Variants in ARHGEF28 observed in about 807,000 individuals in gnomAD.
The protein encoded by ARHGEF28 is Rho guanine nucleotide exchange factor 28, also known as 190 kDa guanine nucleotide exchange factor.
ARHGEF28 carries 152 observed loss-of-function variants against 206.6 expected under a neutral mutation model. The observed-to-expected ratio is 0.74, with a 90% CI of 0.64 to 0.84. The LOEUF is 0.84. Ranked by LOEUF, ARHGEF28 falls within the 40% of genes least tolerant of loss-of-function variation. The pLI is 0.00. For synonymous variants in ARHGEF28, 763 were observed against 776.4 expected (o/e 0.98, Z 0.29); for missense variants, 2,028 against 2,073.2 (o/e 0.98, Z 0.42).
intron 2 of ARHGEF28, among the ~76,000 whole-genome samples, chr5:73,687,382 A>G (rs1747538568): frequency 1.5e-5 from 1 of 68,434 alleles, no homozygotes; most frequent in Non-Finnish European, 2.9e-5. Flanking sequence ...AAATATATTT[A>G]ACATAACTGA....
chr5:73,809,758 G>A (rs1056441126), intron 9 of ARHGEF28, among the ~76,000 whole-genome samples: 4 of 152,138 alleles, frequency 2.6e-5, no homozygotes, highest in Non-Finnish European at 5.9e-5. Flanking sequence ...ATAACCTCAT[G>A]GAAGTTCTTT....
intron 2 of ARHGEF28, among the ~76,000 whole-genome samples, chr5:73,743,704 T>A (rs184582024): frequency 4.5e-4 from 68 of 152,330 alleles, no homozygotes; most frequent in African/African-American, 1.5e-3. Flanking sequence ...ATGTTCTTTG[T>A]GTACTCTTCT....
intron 4 of ARHGEF28, among the ~76,000 whole-genome samples, chr5:73,760,292 C>T (rs1338606170): frequency 6.8e-6 from 1 of 146,176 alleles, no homozygotes; most frequent in African/African-American, 2.6e-5. Context: ...ACAAGAAATA[C>T]AAGTTTCCAG....
At chr5:73,830,266 T>C (rs1183547268) in intron 9 of ARHGEF28, among the ~76,000 whole-genome samples, 1 of 151,992 alleles carries the variant, frequency 6.6e-6, no homozygotes, top group East Asian at 1.9e-4. Flanking sequence ...TAAGACAATG[T>C]AGACTGGCCG....
chr5:73,900,962 G>C (rs1408675779), intron 30 of ARHGEF28: 1 of 437,698 alleles, frequency 2.3e-6, no homozygotes, highest in African/African-American at 2.0e-5. Context: ...ACTTTGTGCG[G>C]TTCGTCAGTT....
At chr5:73,667,811 T>C (rs1217738693) in intron 1 of ARHGEF28, among the ~76,000 whole-genome samples, 1 of 152,260 alleles carries the variant, frequency 6.6e-6, no homozygotes, top group Admixed American at 6.5e-5. Flanking sequence ...TTGAATATTA[T>C]GCTGCTTAGA....
At chr5:73,909,370 GAACCT>G in intron 33 of ARHGEF28, 37 bp from the exon 34 acceptor site, 1 of 1,550,452 alleles carries the variant, frequency 6.4e-7, no homozygotes, top group Non-Finnish European at 8.7e-7. Context: ...AATAACCATG[GAACCT>G]TGTGTTCAGT....
chr5:73,647,498 A>G (rs1462594955), intron 1 of ARHGEF28, among the ~76,000 whole-genome samples: 2 of 152,256 alleles, frequency 1.3e-5, no homozygotes, highest in South Asian at 2.1e-4. Context: ...GCTGTCCAAT[A>G]TTAATACAAT....
intron 2 of ARHGEF28, among the ~76,000 whole-genome samples, chr5:73,716,382 A>C (rs960014176): frequency 2.0e-5 from 3 of 152,092 alleles, no homozygotes; most frequent in Non-Finnish European, 4.4e-5. Context: ...AGGTTTCTTC[A>C]CCTGTTACAT....
At chr5:73,873,278 G>A in intron 22 of ARHGEF28, 32 bp downstream of exon 22, 2 of 1,568,696 alleles carry the variant, frequency 1.3e-6, no homozygotes, top group East Asian at 2.3e-5. Flanking sequence ...TGACCTTTAT[G>A]ACGTAAGTGG....
At chr5:73,862,562 C>T (rs1193741261) in intron 16 of ARHGEF28, among the ~76,000 whole-genome samples, 1 of 152,084 alleles carries the variant, frequency 6.6e-6, no homozygotes, top group Non-Finnish European at 1.5e-5. Flanking sequence ...CTTTTGTCTT[C>T]TCCAGGGATT....
intron 9 of ARHGEF28, among the ~76,000 whole-genome samples, chr5:73,816,964 G>A (rs1756252260): frequency 6.6e-6 from 1 of 151,918 alleles, no homozygotes; most frequent in East Asian, 1.9e-4. Context: ...TTTTTGTTTT[G>A]TTTTGTTTTT....
At chr5:73,853,255 C>T (rs987550993) in intron 14 of ARHGEF28, among the ~76,000 whole-genome samples, 14 of 152,202 alleles carry the variant, frequency 9.2e-5, no homozygotes, top group African/African-American at 3.4e-4. Context: ...GGGAAGCAGA[C>T]CAGTGTGCAA....
chr5:73,776,845 G>A, intron 6 of ARHGEF28, 149 bp downstream of exon 6: 1 of 533,648 alleles, frequency 1.9e-6, no homozygotes, highest in Non-Finnish European at 3.2e-6. Flanking sequence ...CATTAGATCA[G>A]TAGAATGAAG....
chr5:73,872,989 C>A lies in ARHGEF28; in HGVS notation c.2567-10C>A. ...CTTGTTTAAGGCTTATGTGTGCTCA[C>A]ACATTTCAGAGCTAATGCAAACAGA... On this transcript the variant is annotated splice_polypyrimidine_tract_variant and intron_variant, in intron 21 of 35. Transcript: ENST00000513042. 1 of 1,612,986 alleles carries A rather than the reference C, an allele frequency of 6.2e-7. No individual in the cohort carries two copies. Among genetic ancestry groups the A allele is most frequent in the Non-Finnish European group, 8.5e-7 (1 of 1,179,262 alleles).
chr5:73,764,159 C>G (rs565236050), intron 4 of ARHGEF28, among the ~76,000 whole-genome samples: 1 of 152,304 alleles, frequency 6.6e-6, no homozygotes, highest in South Asian at 2.1e-4. Flanking sequence ...GATCAAGCAA[C>G]TTGAAACTTG....
At chr5:73,694,193 C>T (rs1426644655) in intron 2 of ARHGEF28, among the ~76,000 whole-genome samples, 1 of 152,234 alleles carries the variant, frequency 6.6e-6, no homozygotes, top group Non-Finnish European at 1.5e-5. Flanking sequence ...GGTGCCCCCT[C>T]CTACTGTCAC....
chr5:73,768,815 C>T (rs1445273644), intron 4 of ARHGEF28, among the ~76,000 whole-genome samples: 4 of 152,046 alleles, frequency 2.6e-5, no homozygotes, highest in African/African-American at 9.7e-5. Context: ...GCTGTGTCCT[C>T]ACCCAAATCT....
chr5:73,930,662 C>T (rs746668411), intron 35 of ARHGEF28, among the ~76,000 whole-genome samples: 4 of 152,308 alleles, frequency 2.6e-5, no homozygotes, highest in Admixed American at 6.5e-5. Flanking sequence ...ATTGACTATG[C>T]TGTTCCATCC....
Sources: allele counts gnomAD v4.1 joint callset (sites outside exome capture counted in the v4.1 genomes callset), GRCh38; gene constraint gnomAD v4.1.1; transcripts MANE v1.5; gene names NCBI Gene and HGNC (gene_info 2026-07-23, HGNC 2026-07-21).